The following PCDHA2 variants were observed in gnomAD, a reference collection of about 807,000 sequenced individuals.
PCDHA2 encodes protocadherin alpha-2.
PCDHA2 carries 58 observed loss-of-function variants against 66.0 expected under a neutral mutation model. The ratio of observed to expected loss-of-function variants is 0.88; its 90% CI spans 0.71 to 1.09. The LOEUF (loss-of-function observed/expected upper bound fraction) is 1.09. PCDHA2 is among the 50% of genes least tolerant of loss of function. The pLI is 0.00. For synonymous variants in PCDHA2, 634 were observed against 554.0 expected (o/e 1.14, Z -2.03); for missense variants, 1,267 against 1,242.3 (o/e 1.02, Z -0.30).
chr5:140,896,453 C>T (rs782013950), intron 1 of PCDHA2, among the ~76,000 whole-genome samples: 3 of 152,106 alleles, frequency 2.0e-5, no homozygotes, highest in Non-Finnish European at 2.9e-5. Context: ...ACCTCCACCT[C>T]CTGGGTTCAA....
At position 140,884,782 on chromosome 5, in the gene PCDHA2, A is replaced by T. The variant is rs2060354278; in HGVS notation, c.2388+87430A>T. ...TCTTTACTTTAATTTTAATTTTGCTAGTTGTTATCGAATTTAACAACTCTG... is the reference window on the plus strand; with the variant it reads ...TCTTTACTTTAATTTTAATTTTGCTTGTTGTTATCGAATTTAACAACTCTG... On this transcript the variant is annotated intron_variant, in intron 1 of 3. Coordinates refer to ENST00000526136, the MANE Select transcript of PCDHA2 (RefSeq NM_018905.3). 8 of 1,395,472 alleles carry T rather than the reference A, an allele frequency of 5.7e-6. 1 individual carries two copies. The highest frequency in any genetic ancestry group is 3.3e-5 in the South Asian group (2 of 60,762). 86.4% of individuals were successfully genotyped at this position (1,395,472 alleles called of 1,614,324 possible). A position where few individuals can be genotyped will look rare whatever the true frequency, so the allele number is the denominator to read the frequency against.
chr5:140,846,178 G>T (rs2150385394), intron 1 of PCDHA2, among the ~76,000 whole-genome samples: 1 of 149,272 alleles, frequency 6.7e-6, no homozygotes, highest in Non-Finnish European at 1.5e-5. Context: ...GCCTGAGTAG[G>T]CGTTTGAGTT....
At chr5:140,823,017 C>G in intron 1 of PCDHA2, 2 of 1,614,228 alleles carry the variant, frequency 1.2e-6, no homozygotes, top group Non-Finnish European at 1.7e-6. Context: ...CCCTGGACCG[C>G]GAGAGCGTGT....
At chr5:140,826,604 A>T (rs2150144366) in intron 1 of PCDHA2, among the ~76,000 whole-genome samples, 7 of 152,290 alleles carry the variant, frequency 4.6e-5, no homozygotes, top group African/African-American at 1.4e-4. Flanking sequence ...AGGTTAAATT[A>T]AGGGCGAAGT....
chr5:140,876,764 G>A (rs1562718507), intron 1 of PCDHA2: 3 of 1,614,220 alleles, frequency 1.9e-6, no homozygotes, highest in Non-Finnish European at 2.5e-6. Context: ...CGGGATGGGG[G>A]CTCGCCTTCG....
chr5:140,863,793 G>A (rs2048183012), intron 1 of PCDHA2: 1 of 216,012 alleles, frequency 4.6e-6, no homozygotes, highest in East Asian at 1.1e-4. Flanking sequence ...GAGGCCAGGA[G>A]TTTGAGACCA....
chr5:140,952,010 C>A (rs1188540877), intron 1 of PCDHA2, among the ~76,000 whole-genome samples: 2 of 152,128 alleles, frequency 1.3e-5, no homozygotes, highest in Non-Finnish European at 2.9e-5. Flanking sequence ...GAATTATAGG[C>A]CCCATGCAAG....
In PCDHA2 at chr5:140,795,107, T is replaced by A. The variant is rs1761916595; in HGVS notation, c.143T>A (p.Ile48Asn). ...AAACACGGCACCTTCGTGGGCCGCA[T>A]CGCGCAGGACCTGGGGCTGGAGCTG... The part of the protein sequence containing the change: ...EAKHGTFVGR[I>N]AQDLGLELEE... The change falls in exon 1 of 4, where the codon ATC becomes AAC. Residue 48 changes from isoleucine (I) to asparagine (N), a missense_variant. Physicochemically the swap from Ile to Asn is moderately radical, Grantham distance 149. Transcript: ENST00000526136. 1.9e-6 allele frequency: 3 copies of A among 1,614,026 alleles called. No individual in the cohort carries two copies. Among genetic ancestry groups the A allele is most frequent in the African/African-American group, 1.3e-5 (1 of 75,062 alleles).
intron 1 of PCDHA2, chr5:140,861,156 A>T (rs782717452): frequency 6.5e-6 from 1 of 154,840 alleles, no homozygotes; most frequent in Non-Finnish European, 1.4e-5. Context: ...ACAAGGACCA[A>T]AAGGTCTCAG....
intron 1 of PCDHA2, chr5:140,856,089 T>C: frequency 6.3e-7 from 1 of 1,596,782 alleles, no homozygotes; most frequent in Non-Finnish European, 8.6e-7. Flanking sequence ...CAGTGTCTGC[T>C]GCTCTCGCTT....
chr5:140,995,379 G>T (rs1300023701), intron 3 of PCDHA2, among the ~76,000 whole-genome samples: 2 of 152,172 alleles, frequency 1.3e-5, no homozygotes, highest in East Asian at 1.9e-4. Context: ...CACGTACTGG[G>T]CAGGATAAAG....
intron 3 of PCDHA2, among the ~76,000 whole-genome samples, chr5:140,998,727 G>T (rs2097831761): frequency 6.6e-6 from 1 of 152,076 alleles, no homozygotes; most frequent in African/African-American, 2.4e-5. Flanking sequence ...ACCACGCTAG[G>T]CTAATTTTGT....
chr5:140,990,869 G>A (rs2097420316), intron 3 of PCDHA2, among the ~76,000 whole-genome samples: 3 of 152,192 alleles, frequency 2.0e-5, no homozygotes, highest in African/African-American at 4.8e-5. Context: ...TGTATTTTAA[G>A]TGTATGTTCC....
At chr5:140,857,106 C>A (rs2044362842) in intron 1 of PCDHA2, 2 of 1,597,856 alleles carry the variant, frequency 1.3e-6, no homozygotes, top group African/African-American at 2.7e-5. Context: ...ATTGTCACTT[C>A]TCTGTCTCTC....
chr5:140,946,271 A>G (rs2093916351), intron 1 of PCDHA2, among the ~76,000 whole-genome samples: 1 of 152,058 alleles, frequency 6.6e-6, no homozygotes, highest in Non-Finnish European at 1.5e-5. Context: ...GCGAATTAAA[A>G]CCCCAATGAG....
Position 140,841,941 on chromosome 5 carries a change from C to A in PCDHA2, c.2388+44589C>A, listed in dbSNP as rs2150325943. The A allele has an allele frequency of 6.2e-6, 10 of 1,613,918 alleles. No individual in the cohort carries two copies. In the South Asian group the frequency reaches 7.7e-5, roughly 12 times the overall value. ...TCCTTGGACAGAGAGGACGCTCCTG[C>A]GCACCACTTATTCCTGACAGCCACA... On this transcript the variant is annotated intron_variant, in intron 1 of 3. Coordinates refer to ENST00000526136, the MANE Select transcript of PCDHA2 (RefSeq NM_018905.3).
At chr5:140,927,827 C>T (rs1554205116) in intron 1 of PCDHA2, 2 of 1,614,100 alleles carry the variant, frequency 1.2e-6, no homozygotes, top group South Asian at 2.2e-5. Flanking sequence ...TACATTGAGG[C>T]GAGGGACGAA....
chr5:140,834,060 A>G (rs1554134035), intron 1 of PCDHA2, among the ~76,000 whole-genome samples: 1 of 152,232 alleles, frequency 6.6e-6, no homozygotes, highest in Admixed American at 6.5e-5. Flanking sequence ...TCTAACAATC[A>G]TGAGAAATGC....
intron 1 of PCDHA2, among the ~76,000 whole-genome samples, chr5:140,886,084 G>C (rs1554182347): frequency 6.6e-6 from 1 of 152,140 alleles, no homozygotes; most frequent in East Asian, 1.9e-4. Flanking sequence ...CCACAACCTG[G>C]ATATTGACAT....
Sources: gnomAD v4.1 joint callset for allele counts (sites outside exome capture counted in the v4.1 genomes callset) on GRCh38, gnomAD v4.1.1 for gene constraint, MANE v1.5 for transcripts, NCBI Gene and HGNC (gene_info 2026-07-23, HGNC 2026-07-21) for gene names.